Variants in TENM1 observed in about 807,000 individuals in gnomAD.
TENM1 encodes teneurin-1.
In TENM1, 35 loss-of-function variants were observed where a neutral mutation model predicts 174.8. The ratio of observed to expected loss-of-function variants is 0.20; its 90% CI spans 0.15 to 0.27. TENM1 has a LOEUF of 0.27. Among genes scored for constraint, TENM1 ranks in the 10% least tolerant of loss-of-function variants. The pLI is 1.00. For missense variants in TENM1, 1,633 were observed against 2,130.1 expected (o/e 0.77, Z 4.59); for synonymous variants, 781 against 798.7 (o/e 0.98, Z 0.37).
At chrX:124,953,734 G>A (rs769650266) in intron 1 of TENM1, among the ~76,000 whole-genome samples, 1 of 111,861 alleles carries the variant, frequency 8.9e-6, no homozygotes, top group Admixed American at 9.5e-5. Context: ...CAGGGAGTCA[G>A]TCTTTTCCTT....
At chrX:124,952,800 C>A (rs1315796797) in intron 1 of TENM1, among the ~76,000 whole-genome samples, 1 of 111,541 alleles carries the variant, frequency 9.0e-6, no homozygotes, top group Non-Finnish European at 1.9e-5. Context: ...CACAAAGGGT[C>A]ATTTCCTCTA....
rs143427192 is a variant in TENM1 at position 124,550,997 on chromosome X, T to C, written c.2435-3907A>G. Among the ~76,000 whole-genome samples, 832 of 112,357 alleles carry C rather than the reference T, an allele frequency of 7.4e-3. 7 individuals carry two copies. The highest frequency in any genetic ancestry group is 0.013 in the Non-Finnish European group (693 of 53,232). ...CTGGTCTCAAACTCCTGGCCTCAGGTGATCAAACTGCCTTGGCCTCCCAAA... is the reference window on the plus strand; with the variant it reads ...CTGGTCTCAAACTCCTGGCCTCAGGCGATCAAACTGCCTTGGCCTCCCAAA... On this transcript the variant is annotated intron_variant, in intron 14 of 31. Transcript: ENST00000422452.
intron 4 of TENM1, among the ~76,000 whole-genome samples, chrX:124,732,803 G>C (rs1184314459): frequency 2.7e-5 from 3 of 112,056 alleles, no homozygotes; most frequent in African/African-American, 9.7e-5. Flanking sequence ...GAAAGAATAA[G>C]CTATTGGACA....
chrX:125,014,512 T>G, the TENM1 span, among the ~76,000 whole-genome samples: 1 of 112,396 alleles, frequency 8.9e-6, no homozygotes, highest in African/African-American at 3.2e-5. Context: ...TAAAACAGAA[T>G]AGAAAAACCA....
rs1475608094 is a variant in TENM1, at chrX:124,901,035, A to G, written c.218-4794T>C. ...TCGAACTCCTGACCTCAGGCGATCCATCTGCTTCAGCCTCCCAAAGTACTG... is the reference window on the plus strand; with the variant it reads ...TCGAACTCCTGACCTCAGGCGATCCGTCTGCTTCAGCCTCCCAAAGTACTG... On this transcript the variant is annotated intron_variant, in intron 1 of 31. Coordinates refer to ENST00000422452, the Ensembl canonical transcript of TENM1. 3.6e-5 allele frequency among the ~76,000 whole-genome samples: 4 copies of G among 111,074 alleles called. No homozygotes were observed. The Admixed American group carries it at 3.8e-4, about 11-fold the overall frequency.
At chrX:124,742,043 A>G (rs1174716882) in intron 3 of TENM1, among the ~76,000 whole-genome samples, 3 of 112,152 alleles carry the variant, frequency 2.7e-5, no homozygotes, top group African/African-American at 9.7e-5. Context: ...TATTGTCAGT[A>G]TTACAGTAAT....
chrX:124,749,794 C>T (rs973058764), intron 3 of TENM1, among the ~76,000 whole-genome samples: 2 of 111,619 alleles, frequency 1.8e-5, no homozygotes, highest in Non-Finnish European at 3.8e-5. Context: ...AATTTTGTAA[C>T]TGTGTATCAA....
chrX:125,059,519 T>C, the TENM1 span, among the ~76,000 whole-genome samples: 4 of 110,751 alleles, frequency 3.6e-5, no homozygotes, highest in South Asian at 1.5e-3. Flanking sequence ...TCAGCTATAG[T>C]CCTCATGTTG....
intron 6 of TENM1, among the ~76,000 whole-genome samples, chrX:124,658,847 G>A (rs1474112648): frequency 9.0e-6 from 1 of 111,722 alleles, no homozygotes; most frequent in Non-Finnish European, 1.9e-5. Flanking sequence ...TTAATTAAAG[G>A]ACTTATTTTG....
chrX:124,749,130 T>C (rs1315437109), intron 3 of TENM1, among the ~76,000 whole-genome samples: 1 of 111,623 alleles, frequency 9.0e-6, no homozygotes, highest in Non-Finnish European at 1.9e-5. Flanking sequence ...GAAGCTATTA[T>C]TGAAGTCATG....
chrX:124,890,030 G>A (rs1022411986), intron 3 of TENM1, among the ~76,000 whole-genome samples: 4 of 111,720 alleles, frequency 3.6e-5, no homozygotes, highest in African/African-American at 1.3e-4. Flanking sequence ...TTGGCAAAGA[G>A]AAGGTGCTTA....
chrX:125,077,780 C>G, the TENM1 span, among the ~76,000 whole-genome samples: 1 of 111,420 alleles, frequency 9.0e-6, no homozygotes, highest in Non-Finnish European at 1.9e-5. Flanking sequence ...AATTCTAAGA[C>G]TATAAATCAA....
the TENM1 span, among the ~76,000 whole-genome samples, chrX:125,024,370 ACACACACACACACAC>A: frequency 2.9e-5 from 3 of 102,513 alleles, no homozygotes; most frequent in East Asian, 8.5e-4. Context: ...ACATATGCAC[ACACACACACACACAC>A]CACACACACA....
chrX:124,597,650 A>G (rs1396330619), intron 11 of TENM1, among the ~76,000 whole-genome samples: 3 of 110,871 alleles, frequency 2.7e-5, no homozygotes, highest in Non-Finnish European at 3.8e-5. Context: ...TTATCCATGT[A>G]ACCAAACACC....
intron 27 of TENM1, 32 bp from the exon 31 acceptor site, chrX:124,392,380 G>A (rs761515929): frequency 9.4e-7 from 1 of 1,068,593 alleles, no homozygotes; most frequent in East Asian, 3.0e-5. Flanking sequence ...TACATTTTAA[G>A]CACAGCCTTG....
At chrX:124,746,207 T>C (rs780365530) in intron 3 of TENM1, among the ~76,000 whole-genome samples, 5 of 112,346 alleles carry the variant, frequency 4.5e-5, no homozygotes, top group African/African-American at 1.6e-4. Flanking sequence ...AAAAAAGTTA[T>C]AGCAACCATG....
intron 14 of TENM1, among the ~76,000 whole-genome samples, chrX:124,555,315 C>T (rs192906336): frequency 9.9e-5 from 11 of 111,671 alleles, no homozygotes; most frequent in Non-Finnish European, 1.9e-5. Flanking sequence ...CCTCTCTCAC[C>T]ACCCAGACTA....
chrX:125,172,254 C>T, the TENM1 span, among the ~76,000 whole-genome samples: 1 of 110,658 alleles, frequency 9.0e-6, no homozygotes, highest in Admixed American at 9.7e-5. Flanking sequence ...AGAGAGGTGG[C>T]CTAAGACTTT....
At chrX:125,057,171 C>T in the TENM1 span, among the ~76,000 whole-genome samples, 25 of 111,826 alleles carry the variant, frequency 2.2e-4, no homozygotes, top group Non-Finnish European at 4.1e-4. Flanking sequence ...ATAATATGTT[C>T]TAATGTGCAC....
Sources: gnomAD v4.1 joint callset for allele counts (sites outside exome capture counted in the v4.1 genomes callset) on GRCh38, gnomAD v4.1.1 for gene constraint, MANE v1.5 for transcripts, NCBI Gene and HGNC (gene_info 2026-07-23, HGNC 2026-07-21) for gene names.